STEAP3: variants seen among roughly 807,000 people sequenced by gnomAD.
STEAP3 encodes STEAP3 metalloreductase.
A neutral mutation model predicts 34.9 loss-of-function variants in STEAP3; 35 were observed. The observed-to-expected ratio is 1.00, with a 90% CI of 0.76 to 1.33. STEAP3 has a LOEUF of 1.33. STEAP3 is among the 40% of genes most tolerant of loss of function. The pLI is 0.00. For synonymous variants in STEAP3, 281 were observed against 301.6 expected (o/e 0.93, Z 0.71); for missense variants, 652 against 667.6 (o/e 0.98, Z 0.26).
intron 2 of STEAP3, among the ~76,000 whole-genome samples, chr2:119,238,206 C>T (rs1460692101): frequency 6.6e-6 from 1 of 152,150 alleles, no homozygotes; most frequent in Non-Finnish European, 1.5e-5. Context: ...AACTGTTTAA[C>T]GTTTTGAAGA....
chr2:119,235,935 C>A (rs1022301699), intron 2 of STEAP3, among the ~76,000 whole-genome samples: 4 of 152,154 alleles, frequency 2.6e-5, no homozygotes, highest in Non-Finnish European at 5.9e-5. Flanking sequence ...AGGGCTGTGG[C>A]CCTGAGCAGC....
chr2:119,260,547 C>T (rs145473885), intron 5 of STEAP3, among the ~76,000 whole-genome samples: 8,084 of 152,208 alleles, frequency 0.053, 290 homozygotes, highest in Middle Eastern at 0.11. Context: ...CTGCCCGCCT[C>T]GGCCTCCCAA....
chr2:119,237,728 G>T (rs35067141), intron 2 of STEAP3, among the ~76,000 whole-genome samples: 1 of 152,084 alleles, frequency 6.6e-6, no homozygotes, highest in Non-Finnish European at 1.5e-5. Flanking sequence ...TTTTATTTTA[G>T]GTAACAACTT....
intron 1 of STEAP3, among the ~76,000 whole-genome samples, chr2:119,229,179 T>C (rs1446079254): frequency 3.9e-5 from 6 of 152,098 alleles, no homozygotes; most frequent in African/African-American, 1.4e-4. Flanking sequence ...TCAACAGGTG[T>C]CCACCTAGGC....
chr2:119,251,788 C>T (rs1252467501), intron 4 of STEAP3, among the ~76,000 whole-genome samples: 3 of 152,152 alleles, frequency 2.0e-5, no homozygotes, highest in Non-Finnish European at 4.4e-5. Flanking sequence ...TCATTCCTCT[C>T]GGCTTGGAAC....
chr2:119,254,709 G>C lies in STEAP3; in HGVS notation c.1076G>C (p.Trp359Ser). The C allele has an allele frequency of 6.2e-7, 1 of 1,614,146 alleles. No individual in the cohort carries two copies. The highest frequency in any genetic ancestry group is 1.1e-5 in the South Asian group (1 of 91,068). Residue 359 changes from tryptophan to serine, a missense_variant, in exon 5 of 6, where the codon TGG becomes TCG. Trp to Ser is a radical substitution (Grantham distance 177). Transcript: ENST00000393110. ...KQVLANKSHL[W>S]VEEEVWRMEI... ...GTCTTGGCCAACAAGAGCCACCTCT[G>C]GGTGGAGGAGGAGGTCTGGCGGATG... is the stretch of plus-strand genomic sequence containing the variant.
In STEAP3 at chr2:119,247,996, G is replaced by A; in HGVS notation, c.840G>A (p.Val280=). The change falls in exon 4 of 6, where the codon GTG becomes GTA. Residue 280 remains valine (V), a synonymous_variant. Coordinates refer to ENST00000393110, the MANE Select transcript of STEAP3 (RefSeq NM_182915.3). The stretch of plus-strand genomic sequence containing the variant: ...TGGCCTACGTGCTGCTGTCACTCGT[G>A]TACTTGCCCGGCGTGCTGGCGGCTG... ...PCVAYVLLSL[V]YLPGVLAAAL... is the part of the protein sequence containing the mutation. The A allele has an allele frequency of 6.2e-7, 1 of 1,611,978 alleles. No homozygotes were observed. The highest frequency in any genetic ancestry group is 1.3e-5 in the African/African-American group (1 of 75,054).
intron 2 of STEAP3, among the ~76,000 whole-genome samples, chr2:119,242,443 A>T (rs956402173): frequency 6.6e-6 from 1 of 152,150 alleles, no homozygotes; most frequent in African/African-American, 2.4e-5. Flanking sequence ...ACCTCGGCCC[A>T]AATTGCAGAT....
chr2:119,260,585 C>A (rs1384230949), intron 5 of STEAP3, among the ~76,000 whole-genome samples: 12 of 152,180 alleles, frequency 7.9e-5, no homozygotes. Context: ...CGTGAGCCAC[C>A]GCACCCAGCC....
rs1423996049 is a variant in STEAP3 at position 119,265,395 on chromosome 2, CTG to C, written c.*2060_*2061del. ...AGGCGGGCTGTGTACTGGGCCCTGA[CTG>C]TGCGTCCACTGCTGTCTTCCCTACC... On this transcript the variant is annotated 3_prime_UTR_variant, in exon 6 of 6. Coordinates refer to ENST00000393110, the MANE Select transcript of STEAP3 (RefSeq NM_182915.3). 1 of 152,364 alleles carries C rather than the reference CTG, an allele frequency of 6.6e-6. No homozygotes were observed. Among genetic ancestry groups the C allele is most frequent in the African/African-American group, 2.4e-5 (1 of 41,568 alleles). 9.4% of individuals were successfully genotyped at this position (152,364 alleles called of 1,614,324 possible).
chr2:119,243,246 G>A (rs980803326), intron 2 of STEAP3, among the ~76,000 whole-genome samples: 1 of 152,214 alleles, frequency 6.6e-6, no homozygotes, highest in Non-Finnish European at 1.5e-5. Context: ...GGCAGGACAG[G>A]AACACATGTC....
At chr2:119,227,131 A>T (rs72954913) in intron 1 of STEAP3, among the ~76,000 whole-genome samples, 4,981 of 152,292 alleles carry the variant, frequency 0.033, 127 homozygotes, top group Middle Eastern at 0.078. Flanking sequence ...CCCTCTGCGT[A>T]CTTGCGAATC....
chr2:119,238,014 T>A (rs547914275), intron 2 of STEAP3, among the ~76,000 whole-genome samples: 2 of 152,402 alleles, frequency 1.3e-5, no homozygotes, highest in East Asian at 3.9e-4. Context: ...TCTTTATGGC[T>A]GAATATTAAT....
intron 2 of STEAP3, among the ~76,000 whole-genome samples, chr2:119,235,784 G>C (rs62157662): frequency 6.6e-6 from 1 of 152,212 alleles, no homozygotes; most frequent in Non-Finnish European, 1.5e-5. Context: ...GTTGGTATAG[G>C]CTTGATCCTT....
chr2:119,235,559 G>T (rs1677070918), intron 2 of STEAP3, among the ~76,000 whole-genome samples: 1 of 152,258 alleles, frequency 6.6e-6, no homozygotes, highest in South Asian at 2.1e-4. Flanking sequence ...AATTCTGGAT[G>T]TGGAGCCCAG....
chr2:119,263,908 A>T lies in STEAP3; in HGVS notation c.*570A>T, dbSNP rs1336723929. 5.6e-6 allele frequency: 1 copy of T among 178,296 alleles called. No homozygotes were observed. Among genetic ancestry groups the T allele is most frequent in the Non-Finnish European group, 1.2e-5 (1 of 83,430 alleles). 11.0% of individuals were successfully genotyped at this position (178,296 alleles called of 1,614,324 possible). On this transcript the variant is annotated 3_prime_UTR_variant, in exon 6 of 6. Coordinates refer to ENST00000393110, the MANE Select transcript of STEAP3 (RefSeq NM_182915.3). ...GCAGCAGGAGGCCTGGGGAGGAGGA[A>T]AATCAGGCAGTCGGCCTGGAGTCTG...
At chr2:119,258,114 G>A (rs1273521110) in intron 5 of STEAP3, among the ~76,000 whole-genome samples, 1 of 152,074 alleles carries the variant, frequency 6.6e-6, no homozygotes, top group African/African-American at 2.4e-5. Context: ...CAGAACTAAG[G>A]GTTCCTTACC....
chr2:119,224,598 T>A (rs1678980289), intron 1 of STEAP3, among the ~76,000 whole-genome samples: 1 of 152,022 alleles, frequency 6.6e-6, no homozygotes, highest in Admixed American at 6.6e-5. Flanking sequence ...TAATATGCGG[T>A]TTGGGGACCA....
chr2:119,238,226 C>T lies in STEAP3; in HGVS notation c.22+7192C>T, dbSNP rs148639812. Among the ~76,000 whole-genome samples the T allele has an allele frequency of 5.8e-3, 888 of 152,330 alleles. 13 individuals carry two copies. Among genetic ancestry groups the T allele is most frequent in the African/African-American group, 0.02 (846 of 41,560 alleles). ...TTTAACGTTTTGAAGAATTCCCAGGCTGTTCTCCACGGTGCCTGCACCATT... is the reference window on the plus strand; with the variant it reads ...TTTAACGTTTTGAAGAATTCCCAGGTTGTTCTCCACGGTGCCTGCACCATT... On this transcript the variant is annotated intron_variant, in intron 2 of 5. Transcript: ENST00000393110.
Sources: allele counts gnomAD v4.1 joint callset (sites outside exome capture counted in the v4.1 genomes callset), GRCh38; gene constraint gnomAD v4.1.1; transcripts MANE v1.5; gene names NCBI Gene and HGNC (gene_info 2026-07-23, HGNC 2026-07-21).